The following ZNF750 variants were observed in gnomAD, a reference collection of about 807,000 sequenced individuals.
ZNF750 encodes zinc finger protein 750.
In ZNF750, 10 loss-of-function variants were observed where a neutral mutation model predicts 31.6. The observed-to-expected ratio is 0.32, with a 90% CI of 0.19 to 0.54. ZNF750 has a LOEUF of 0.54. ZNF750 is among the 20% of genes least tolerant of loss of function. The probability of loss-of-function intolerance (pLI) is 0.95; values close to 1 mark genes in which losing one functional copy is unlikely to be tolerated. For missense variants in ZNF750, 914 were observed against 934.9 expected, an observed-to-expected ratio of 0.98 and a Z score of 0.29; for synonymous variants, 400 against 404.9, an observed-to-expected ratio of 0.99 and a Z score of 0.15.
At chr17:82,837,249 C>T (rs539315268) in intron 1 of ZNF750, among the ~76,000 whole-genome samples, 4 of 152,300 alleles carry the variant, frequency 2.6e-5, no homozygotes, top group East Asian at 1.9e-4. Flanking sequence ...CCAAACCCGA[C>T]GGCCAGTACC....
At position 82,830,304 on chromosome 17, in the gene ZNF750, C is replaced by T; in HGVS notation, c.2010G>A (p.Leu670=). 6.2e-7 allele frequency: 1 copy of T among 1,614,216 alleles called. No homozygotes were observed. The highest frequency in any genetic ancestry group is 8.5e-7 in the Non-Finnish European group (1 of 1,180,048). The part of the protein sequence containing the change: ...EPACRQDTPT[L]SSMESQEAQC... Reference sequence around the variant, plus strand: ...GGGCCTCTTGGCTCTCCATGGAGCTCAGTGTGGGTGTGTCTTGCCGGCAGG... The same window carrying T: ...GGGCCTCTTGGCTCTCCATGGAGCTTAGTGTGGGTGTGTCTTGCCGGCAGG... The change falls in exon 3 of 3, where the codon CTG becomes CTA. Residue 670 remains leucine, a synonymous_variant. Coordinates refer to ENST00000269394, the MANE Select transcript of ZNF750 (RefSeq NM_024702.3).
intron 1 of ZNF750, among the ~76,000 whole-genome samples, chr17:82,837,189 G>C (rs2054061519): frequency 6.6e-6 from 1 of 152,212 alleles, no homozygotes; most frequent in Admixed American, 6.5e-5. Flanking sequence ...GATGATGTCA[G>C]CCTGTGAGTT....
chr17:82,831,124 C>T lies in ZNF750; in HGVS notation c.1331G>A (p.Arg444Lys), dbSNP rs376491772. The T allele has an allele frequency of 2.2e-5, 35 of 1,614,052 alleles. No individual in the cohort carries two copies. Among genetic ancestry groups the T allele is most frequent in the Non-Finnish European group, 2.6e-5 (31 of 1,180,036 alleles). The change falls in exon 2 of 3, where the codon AGA becomes AAA. Residue 444 changes from arginine (R) to lysine (K), a missense_variant. This residue lies in a region of ZNF750 where 880 missense variants were observed against 868.9 expected (regional missense o/e 1.01). Transcript: ENST00000269394. This position sits in a 1 kb window ranked among gnomAD's most constrained non-coding sequence, Gnocchi z 4.6. ...SNKAASSALG[R>K]LYPPEQSLTA... ...GAGGCTTTGCTCTGGCGGGTAGAGT[C>T]TTCCCAGTGCGCTGGAGGCTGCCTT...
intron 1 of ZNF750, among the ~76,000 whole-genome samples, chr17:82,836,979 T>A (rs2054041446): frequency 6.6e-6 from 1 of 152,140 alleles, no homozygotes; most frequent in South Asian, 2.1e-4. Flanking sequence ...AGGGAATTGG[T>A]GTCGATATGG....
In ZNF750 at chr17:82,830,470, C is replaced by G. The variant is rs756673617; in HGVS notation, c.1844G>C (p.Gly615Ala). The change falls in exon 3 of 3, where the codon GGC becomes GCC. Residue 615 changes from glycine to alanine, a missense_variant. Physicochemically the swap from Gly to Ala is moderately conservative, Grantham distance 60 (BLOSUM62 0). Coordinates refer to ENST00000269394, the MANE Select transcript of ZNF750 (RefSeq NM_024702.3). The stretch of plus-strand genomic sequence containing the variant: ...CGCGCATGCGTCTGGAGCCTCCTCG[C>G]CGGGGCCTGTGGGTGGGGCCCCGTC... ...DGDGAPPTGP[G>A]EEAPDACAVD... is the part of the protein sequence containing the mutation. 4 of 1,613,058 alleles carry G rather than the reference C, an allele frequency of 2.5e-6. No individual in the cohort carries two copies. Among genetic ancestry groups the G allele is most frequent in the Non-Finnish European group, 3.4e-6 (4 of 1,179,732 alleles).
In ZNF750 at chr17:82,832,483, G is replaced by A. The variant is rs779296197; in HGVS notation, c.-29C>T. ...CCTCCTTATGCCTTGGACTCTGGCT[G>A]TCCAGGTGGCGTGATCACTGTCGAC... is the stretch of plus-strand genomic sequence containing the variant. On this transcript the variant is annotated 5_prime_UTR_variant, in exon 2 of 3. Coordinates refer to ENST00000269394, the MANE Select transcript of ZNF750 (RefSeq NM_024702.3). This position sits in a 1 kb window ranked among gnomAD's most constrained non-coding sequence, Gnocchi z 4.9. 1 of 1,594,966 alleles carries A rather than the reference G, an allele frequency of 6.3e-7. No individual in the cohort carries two copies. The highest frequency in any genetic ancestry group is 1.7e-4 in the Middle Eastern group (1 of 6,048).
rs2053660076 is a variant in ZNF750 at position 82,833,076 on chromosome 17, G to T, written c.-182-440C>A. ...CAGGGCTGCCCGACTCTGCTTGGGGGTTACACGCTTGAAGCAGTGGGTGTG... is the reference window on the plus strand; with the variant it reads ...CAGGGCTGCCCGACTCTGCTTGGGGTTTACACGCTTGAAGCAGTGGGTGTG... On this transcript the variant is annotated intron_variant, in intron 1 of 2. Transcript: ENST00000269394. The surrounding 1 kb of genome is among the most constrained non-coding windows in gnomAD (Gnocchi z 4.7). 6.6e-6 allele frequency among the ~76,000 whole-genome samples: 1 copy of T among 152,064 alleles called. No homozygotes were observed. The highest frequency in any genetic ancestry group is 2.4e-5 in the African/African-American group (1 of 41,408).
intron 1 of ZNF750, among the ~76,000 whole-genome samples, chr17:82,836,710 AAAACC>A (rs1226476909): frequency 2.0e-5 from 3 of 152,024 alleles, no homozygotes; most frequent in African/African-American, 7.3e-5. Context: ...AAAACAAAAC[AAAACC>A]AAAAAACAAA....
In ZNF750 at chr17:82,830,456, C is replaced by G. The variant is rs762777156; in HGVS notation, c.1858G>C (p.Asp620His). 1.2e-6 allele frequency: 2 copies of G among 1,612,678 alleles called. No homozygotes were observed. Among genetic ancestry groups the G allele is most frequent in the South Asian group, 1.1e-5 (1 of 91,054 alleles). ...TCGCTGCTGTCCACCGCGCATGCGT[C>G]TGGAGCCTCCTCGCCGGGGCCTGTG... ...PPTGPGEEAP[D>H]ACAVDSSEEQ... Residue 620 changes from aspartate to histidine, a missense_variant, in exon 3 of 3, where the codon GAC becomes CAC. Asp to His is a moderately conservative substitution (Grantham distance 81). Around this residue, in one of 2 missense-constraint regions of ZNF750, gnomAD observed 880 missense variants for 868.9 expected, o/e 1.01. Coordinates refer to ENST00000269394, the MANE Select transcript of ZNF750 (RefSeq NM_024702.3).
rs774634780 is a variant in ZNF750, at chr17:82,832,209, C to T, written c.246G>A (p.Thr82=). The T allele has an allele frequency of 9.3e-6, 15 of 1,614,192 alleles. No individual in the cohort carries two copies. The highest frequency in any genetic ancestry group is 4.5e-5 in the East Asian group (2 of 44,882). ...DPKQTNQPDA[T]AKPASSKSVA... is the part of the protein sequence containing the mutation. ...CAGACTTGGAAGAGGCTGGCTTCGC[C>T]GTGGCATCGGGCTGGTTGGTTTGCT... Residue 82 remains threonine, a synonymous_variant, in exon 2 of 3, where the codon ACG becomes ACA. Transcript: ENST00000269394. This position sits in a 1 kb window ranked among gnomAD's most constrained non-coding sequence, Gnocchi z 4.9.
chr17:82,838,533 G>A (rs1488677365), intron 1 of ZNF750: 1 of 553,498 alleles, frequency 1.8e-6, no homozygotes, highest in Non-Finnish European at 2.3e-6. Context: ...AGGGCATGCT[G>A]TAATTACAAT....
chr17:82,836,780 A>G (rs2054024262), intron 1 of ZNF750, among the ~76,000 whole-genome samples: 1 of 152,264 alleles, frequency 6.6e-6, no homozygotes, highest in Non-Finnish European at 1.5e-5. Flanking sequence ...AAAGCTTTAC[A>G]ACAGGCAGGT....
rs1416274322 is a variant in ZNF750 at position 82,831,851 on chromosome 17, T to C, written c.604A>G (p.Thr202Ala). The change falls in exon 2 of 3, where the codon ACT (threonine) becomes GCT (alanine). Residue 202 changes from threonine (T) to alanine (A), a missense_variant. This residue lies in a region of ZNF750 where 880 missense variants were observed against 868.9 expected (regional missense o/e 1.01). Coordinates refer to ENST00000269394, the MANE Select transcript of ZNF750 (RefSeq NM_024702.3). The surrounding 1 kb of genome is among the most constrained non-coding windows in gnomAD (Gnocchi z 4.6). ...CCGGCTTTCCAGGGGTAGCCAGGAG[T>C]GTGGAAGGCCGACTTGGTGTGGAAA... ...VSFHTKSAFH[T>A]PGYPWKAGSP... 1 of 1,613,590 alleles carries C rather than the reference T, an allele frequency of 6.2e-7. No homozygotes were observed. Among genetic ancestry groups the C allele is most frequent in the Non-Finnish European group, 8.5e-7 (1 of 1,179,854 alleles).
At chr17:82,836,682 T>C (rs1199330108) in intron 1 of ZNF750, among the ~76,000 whole-genome samples, 1 of 148,876 alleles carries the variant, frequency 6.7e-6, no homozygotes, top group Non-Finnish European at 1.5e-5. Context: ...GCTGATACTT[T>C]TAGGCAAAAA....
In ZNF750 at chr17:82,829,542, G is replaced by A. The variant is rs1258547200; in HGVS notation, c.*600C>T. The A allele has an allele frequency of 6.5e-6, 1 of 153,578 alleles. No homozygotes were observed. The highest frequency in any genetic ancestry group is 1.5e-5 in the Non-Finnish European group (1 of 68,946). The allele number at this position is 153,578 out of a possible 1,614,324, so 9.5% of individuals were successfully genotyped here. A position where few individuals can be genotyped will look rare whatever the true frequency, so the allele number is the denominator to read the frequency against. On this transcript the variant is annotated 3_prime_UTR_variant, in exon 3 of 3. Transcript: ENST00000269394. ...CACATCATTTTGGGGAATGGAAAGT[G>A]AGGCAGAGTAAGCCAGAACATTCAC...
At position 82,833,748 on chromosome 17, in the gene ZNF750, C is replaced by G. The variant is rs1241037757; in HGVS notation, c.-182-1112G>C. Among the ~76,000 whole-genome samples, 1 of 152,160 alleles carries G rather than the reference C, an allele frequency of 6.6e-6. No homozygotes were observed. The highest frequency in any genetic ancestry group is 1.5e-5 in the Non-Finnish European group (1 of 68,018). ...TGGTTGGGTCATGGGAGGAAGCTGT[C>G]CTGGCCCTTAACCTTTAGGGAGTGG... On this transcript the variant is annotated intron_variant, in intron 1 of 2. Transcript: ENST00000269394. This position sits in a 1 kb window ranked among gnomAD's most constrained non-coding sequence, Gnocchi z 4.7.
rs776475239 is a variant in ZNF750 at position 82,832,097 on chromosome 17, G to C, written c.358C>G (p.Arg120Gly). Residue 120 changes from arginine to glycine, a missense_variant, in exon 2 of 3, where the codon CGG (arginine) becomes GGG (glycine). This residue lies in a region of ZNF750 where 880 missense variants were observed against 868.9 expected (regional missense o/e 1.01). Coordinates refer to ENST00000269394, the MANE Select transcript of ZNF750 (RefSeq NM_024702.3). The surrounding 1 kb of genome is among the most constrained non-coding windows in gnomAD (Gnocchi z 4.9). ...TGTCCCAGGCACCTGTGGGTTCCCC[G>C]GGCTTGCAGCTCCAGGTTTTCCTTG... Reference protein sequence around the residue: ...DIKENLELQARGTHRCLGQKP... With the variant: ...DIKENLELQAGGTHRCLGQKP... 1.2e-6 allele frequency: 2 copies of C among 1,614,170 alleles called. No homozygotes were observed. Among genetic ancestry groups the C allele is most frequent in the Non-Finnish European group, 1.7e-6 (2 of 1,180,020 alleles).
intron 2 of ZNF750, 55 bp downstream of exon 2, chr17:82,830,964 A>T: frequency 6.2e-7 from 1 of 1,613,514 alleles, no homozygotes; most frequent in Non-Finnish European, 8.5e-7. Context: ...AGCCTGGCTC[A>T]TGGAACCCAA....
intron 1 of ZNF750, among the ~76,000 whole-genome samples, chr17:82,834,345 G>C (rs1474513084): frequency 2.0e-5 from 3 of 152,236 alleles, no homozygotes; most frequent in African/African-American, 7.2e-5. Context: ...GTGAGTGGGA[G>C]ATGGGGTGGA....
Sources: allele counts gnomAD v4.1 joint callset (sites outside exome capture counted in the v4.1 genomes callset), GRCh38; gene constraint gnomAD v4.1.1; regional missense constraint gnomAD v4.1.1; non-coding constraint Gnocchi (gnomAD v3.1); transcripts MANE v1.5; gene names NCBI Gene and HGNC (gene_info 2026-07-23, HGNC 2026-07-21).